Variants in BICD1 observed in about 807,000 individuals in gnomAD.
BICD1 encodes the protein protein bicaudal D homolog 1.
Under a neutral mutation model 92.5 loss-of-function variants are expected in BICD1, and 35 were observed. That is an observed-to-expected ratio of 0.38 (90% CI 0.29 to 0.50). The LOEUF (loss-of-function observed/expected upper bound fraction) is 0.50, where lower values mean the gene tolerates loss of function less well. Among genes scored for constraint, BICD1 ranks in the 20% least tolerant of loss-of-function variants. The probability of loss-of-function intolerance (pLI) is 0.93; values close to 1 mark genes in which losing one functional copy is unlikely to be tolerated. For missense variants in BICD1, 950 were observed against 1,189.8 expected (o/e 0.80, Z 2.97); for synonymous variants, 429 against 465.1 (o/e 0.92, Z 1.00).
intron 1 of BICD1, chr12:32,109,417 A>G (rs182852505): frequency 5.5e-4 from 84 of 152,330 alleles, no homozygotes; most frequent in African/African-American, 2.0e-3. Flanking sequence ...AACTACCTGT[A>G]TTAGTTTCAC....
chr12:32,243,262 T>A (rs1023502603), intron 2 of BICD1, among the ~76,000 whole-genome samples: 72 of 122,364 alleles, frequency 5.9e-4, no homozygotes, highest in African/African-American at 2.3e-3. Context: ...CATGCCTGGC[T>A]AATTTTTTTT....
chr12:32,279,347 G>T (rs1369946214), intron 2 of BICD1, among the ~76,000 whole-genome samples: 1 of 152,132 alleles, frequency 6.6e-6, no homozygotes, highest in African/African-American at 2.4e-5. Context: ...TCATTCAATT[G>T]TATACTTTAA....
intron 2 of BICD1, among the ~76,000 whole-genome samples, chr12:32,221,542 G>T (rs933987207): frequency 4.0e-5 from 6 of 151,602 alleles, no homozygotes. Context: ...AATTTAGCTG[G>T]GTGTGGTGGT....
chr12:32,295,656 CT>C (rs142531197), intron 3 of BICD1, among the ~76,000 whole-genome samples: 573 of 140,524 alleles, frequency 4.1e-3, no homozygotes, highest in Non-Finnish European at 4.4e-3. Flanking sequence ...AATTTGATTT[CT>C]TTTTTTTTTT....
At chr12:32,322,040 G>A (rs1443604860) in intron 4 of BICD1, among the ~76,000 whole-genome samples, 2 of 152,022 alleles carry the variant, frequency 1.3e-5, no homozygotes, top group Non-Finnish European at 1.5e-5. Context: ...AACAGTTTAA[G>A]CATCTGCTCT....
intron 1 of BICD1, among the ~76,000 whole-genome samples, chr12:32,166,514 C>T (rs1439757994): frequency 6.6e-6 from 1 of 152,112 alleles, no homozygotes; most frequent in Non-Finnish European, 1.5e-5. Context: ...GTGCTGCTAA[C>T]CATCCTACAC....
At chr12:32,279,605 A>G (rs1947363924) in intron 2 of BICD1, among the ~76,000 whole-genome samples, 2 of 152,242 alleles carry the variant, frequency 1.3e-5, no homozygotes, top group Admixed American at 6.5e-5. Flanking sequence ...ACTGTTTAAA[A>G]TAAAAGGGCC....
At chr12:32,272,171 C>T (rs1191421301) in intron 2 of BICD1, among the ~76,000 whole-genome samples, 1 of 152,068 alleles carries the variant, frequency 6.6e-6, no homozygotes, top group Non-Finnish European at 1.5e-5. Context: ...ATGTATAAAT[C>T]ATATACATGT....
Position 32,282,422 on chromosome 12 carries a change from C to T in BICD1, c.427-11572C>T, listed in dbSNP as rs145437223. Among the ~76,000 whole-genome samples the T allele has an allele frequency of 1.3e-4, 20 of 151,756 alleles. No individual in the cohort carries two copies. The East Asian group carries it at 3.5e-3, about 26-fold the overall frequency. On this transcript the variant is annotated intron_variant, in intron 2 of 9. Coordinates refer to ENST00000652176, the MANE Select transcript of BICD1 (RefSeq NM_001714.4). ...TTTTTGTAGAGTCAGGGTTTTGCCA[C>T]GTTGCCCAGGCTGCACCTTGAAGTC...
chr12:32,126,760 TA>T lies in BICD1; in HGVS notation c.213+19225del, dbSNP rs1383412842. Among the ~76,000 whole-genome samples, 3 of 150,928 alleles carry T rather than the reference TA, an allele frequency of 2.0e-5. No individual in the cohort carries two copies. The East Asian group carries it at 5.8e-4, about 29-fold the overall frequency. ...CTGGGCGACAGAGTGAGACTCTGTT[TA>T]AAAAAAAAGAAAAAGACCCTGCAGA... On this transcript the variant is annotated intron_variant, in intron 1 of 9. Transcript: ENST00000652176.
intron 5 of BICD1, among the ~76,000 whole-genome samples, chr12:32,329,672 G>A (rs1937750446): frequency 6.6e-6 from 1 of 152,198 alleles, no homozygotes; most frequent in Non-Finnish European, 1.5e-5. Flanking sequence ...CATTTGGGAT[G>A]TTAACCCACC....
chr12:32,117,025 C>T (rs531925), intron 1 of BICD1, among the ~76,000 whole-genome samples: 1 of 152,132 alleles, frequency 6.6e-6, no homozygotes, highest in Non-Finnish European at 1.5e-5. Context: ...ATTGATGCGT[C>T]TGTACTTGGC....
At chr12:32,209,226 C>T (rs993076625) in intron 1 of BICD1, among the ~76,000 whole-genome samples, 3 of 152,170 alleles carry the variant, frequency 2.0e-5, no homozygotes, top group Admixed American at 2.0e-4. Flanking sequence ...ATTAATACTT[C>T]ATTTAAAACA....
chr12:32,164,828 GA>G (rs1287706360), intron 1 of BICD1, among the ~76,000 whole-genome samples: 1 of 152,216 alleles, frequency 6.6e-6, no homozygotes, highest in Admixed American at 6.5e-5. Flanking sequence ...AGACATTCAA[GA>G]GGTAAAATGG....
chr12:32,342,130 A>ATATATATGTGTGTG (rs1555170779), intron 8 of BICD1, among the ~76,000 whole-genome samples: 1 of 147,434 alleles, frequency 6.8e-6, no homozygotes, highest in Non-Finnish European at 1.5e-5. Flanking sequence ...ATATATGTAT[A>ATATATATGTGTGTG]TATATATGTG....
Position 32,328,525 on chromosome 12 carries a change from A to T in BICD1, c.2070A>T (p.Thr690=). 1 of 1,613,350 alleles carries T rather than the reference A, an allele frequency of 6.2e-7. No homozygotes were observed. Among genetic ancestry groups the T allele is most frequent in the South Asian group, 1.1e-5 (1 of 91,026 alleles). Reference sequence around the variant, plus strand: ...GCACCAAACGGGAGCAGATCGCCACATTGAGGGCGGTGTTGAAAGCCAACA... The same window carrying T: ...GCACCAAACGGGAGCAGATCGCCACTTTGAGGGCGGTGTTGAAAGCCAACA... ...LLSTKREQIA[T]LRAVLKANKQ... is the part of the protein sequence containing the mutation. The change falls in exon 5 of 10, where the codon ACA becomes ACT. Residue 690 remains threonine, a synonymous_variant. Transcript: ENST00000652176. The surrounding 1 kb of genome is among the most constrained non-coding windows in gnomAD (Gnocchi z 4.4).
chr12:32,112,438 G>A (rs10743777), intron 1 of BICD1, among the ~76,000 whole-genome samples: 70,218 of 152,068 alleles, frequency 0.46, 16,419 homozygotes, highest in Middle Eastern at 0.59. Flanking sequence ...TGGTTTGAAG[G>A]TTTCTTCAGA....
At chr12:32,339,653 CA>C (rs1161386821) in intron 8 of BICD1, 42 of 985,076 alleles carry the variant, frequency 4.3e-5, no homozygotes, top group Non-Finnish European at 5.1e-5. Flanking sequence ...TGACATATGG[CA>C]AATAGAGAAA....
chr12:32,312,058 C>A (rs1948395949), intron 4 of BICD1, among the ~76,000 whole-genome samples: 2 of 152,116 alleles, frequency 1.3e-5, no homozygotes, highest in South Asian at 2.1e-4. Flanking sequence ...AAAAAAAAAT[C>A]AGATCTTAGT....
Sources: gnomAD v4.1 joint callset for allele counts (sites outside exome capture counted in the v4.1 genomes callset) on GRCh38, gnomAD v4.1.1 for gene constraint, Gnocchi (gnomAD v3.1) non-coding constraint, MANE v1.5 for transcripts, NCBI Gene and HGNC (gene_info 2026-07-23, HGNC 2026-07-21) for gene names.